CLMN: variants seen among roughly 807,000 people sequenced by gnomAD.
CLMN encodes the protein calmin (calponin-like, transmembrane).
A neutral mutation model predicts 92.7 loss-of-function variants in CLMN; 57 were observed. That is an observed-to-expected ratio of 0.61 (90% confidence interval 0.50 to 0.77). The LOEUF is 0.77. Among genes scored for constraint, CLMN ranks in the 30% least tolerant of loss-of-function variants. The pLI, the probability that CLMN is intolerant of heterozygous loss-of-function variation, is 0.00. For missense variants in CLMN, 1,158 were observed against 1,237.5 expected (o/e 0.94, Z 0.96); for synonymous variants, 466 against 470.6 (o/e 0.99, Z 0.13).
chr14:95,212,090 A>C (rs1448797203), intron 6 of CLMN, among the ~76,000 whole-genome samples: 1 of 152,140 alleles, frequency 6.6e-6, no homozygotes, highest in African/African-American at 2.4e-5. Flanking sequence ...ACCACGCTTG[A>C]TCTCTCAATC....
Position 95,191,611 on chromosome 14 carries a change from C to T in CLMN, c.2962G>A (p.Val988Met), listed in dbSNP as rs760410030. 2 of 1,613,570 alleles carry T rather than the reference C, an allele frequency of 1.2e-6. No individual in the cohort carries two copies. Residue 988 changes from valine (V) to methionine (M), a missense_variant, in exon 13 of 13, where the codon GTG becomes ATG. Transcript: ENST00000298912. The surrounding 1 kb of genome is among the most constrained non-coding windows in gnomAD (Gnocchi z 5.3). ...TGTGGGAAGAGCAGCAAGCAGTACA[C>T]CAGGAGCCACAGGAAGAGAATAAAA... The part of the protein sequence containing the change: ...MYFILFLWLL[V>M]YCLLLFPQLD...
At chr14:95,297,903 T>C (rs1900878625) in intron 1 of CLMN, among the ~76,000 whole-genome samples, 2 of 152,154 alleles carry the variant, frequency 1.3e-5, no homozygotes, top group South Asian at 4.1e-4. Flanking sequence ...TGTGTGGATA[T>C]GCTTCCATTT....
chr14:95,265,069 G>A (rs972840506), intron 1 of CLMN, among the ~76,000 whole-genome samples: 3 of 151,762 alleles, frequency 2.0e-5, no homozygotes, highest in African/African-American at 7.3e-5. Context: ...CCAAAACCCT[G>A]TCTCTACAAA....
At chr14:95,269,712 G>A (rs1566905811) in intron 1 of CLMN, among the ~76,000 whole-genome samples, 1 of 152,208 alleles carries the variant, frequency 6.6e-6, no homozygotes. Flanking sequence ...TGGCACCAAA[G>A]GCTCCCACTG....
At chr14:95,211,309 CA>C (rs1897190242) in intron 6 of CLMN, among the ~76,000 whole-genome samples, 1 of 152,222 alleles carries the variant, frequency 6.6e-6, no homozygotes, top group Non-Finnish European at 1.5e-5. Context: ...CTCTGAGCCT[CA>C]AACTCCACAC....
In CLMN at chr14:95,203,048, C is replaced by T; in HGVS notation, c.2301G>A (p.Leu767=). ...LEEPEGYMPD[L]DSREEEADGS... is the part of the protein sequence containing the mutation. ...CATCGGCCTCCTCCTCCCTGGAGTC[C>T]AGGTCTGGCATATAGCCCTCTGGCT... Residue 767 remains leucine, a synonymous_variant, in exon 9 of 13, where the codon CTG becomes CTA. Transcript: ENST00000298912. The T allele has an allele frequency of 6.2e-7, 1 of 1,614,122 alleles. No individual in the cohort carries two copies. The highest frequency in any genetic ancestry group is 8.5e-7 in the Non-Finnish European group (1 of 1,180,020).
chr14:95,230,003 A>G, intron 2 of CLMN, 69 bp downstream of exon 2: 1 of 1,438,374 alleles, frequency 7.0e-7, no homozygotes. Flanking sequence ...CTCCCCCTCC[A>G]CTCTCTGGAA....
intron 1 of CLMN, among the ~76,000 whole-genome samples, chr14:95,251,809 C>T (rs1261717273): frequency 6.6e-6 from 1 of 152,194 alleles, no homozygotes; most frequent in Non-Finnish European, 1.5e-5. Flanking sequence ...TGCTGGAGCT[C>T]CTCAGAGCCT....
At chr14:95,215,814 TC>T in intron 4 of CLMN, 81 bp from the exon 5 acceptor site, 1 of 510,284 alleles carries the variant, frequency 2.0e-6, no homozygotes, top group Admixed American at 3.8e-5. Flanking sequence ...TCTCTCTCTC[TC>T]TGTGTGTGTG....
chr14:95,229,799 C>T (rs751989895), intron 2 of CLMN, among the ~76,000 whole-genome samples: 1 of 152,130 alleles, frequency 6.6e-6, no homozygotes, highest in Non-Finnish European at 1.5e-5. Context: ...CAATAATGAA[C>T]GTCTTCCACC....
intron 1 of CLMN, among the ~76,000 whole-genome samples, chr14:95,284,006 C>T (rs1395690797): frequency 6.6e-6 from 1 of 152,290 alleles, no homozygotes; most frequent in East Asian, 1.9e-4. Flanking sequence ...ATCACAGCCC[C>T]AGAGGCCCAG....
intron 1 of CLMN, among the ~76,000 whole-genome samples, chr14:95,267,862 G>A (rs1899538976): frequency 6.6e-6 from 1 of 152,190 alleles, no homozygotes; most frequent in Non-Finnish European, 1.5e-5. Flanking sequence ...AATCCTGTCG[G>A]TTGCAGCAAT....
At chr14:95,197,273 G>T (rs1449299787) in intron 9 of CLMN, among the ~76,000 whole-genome samples, 1 of 150,912 alleles carries the variant, frequency 6.6e-6, no homozygotes, top group Admixed American at 6.6e-5. Context: ...AAGAAAAGAG[G>T]AGGAGGAAGA....
chr14:95,204,580 C>T (rs1445294044), intron 8 of CLMN, 117 bp from the exon 9 acceptor site: 1 of 967,906 alleles, frequency 1.0e-6, no homozygotes, highest in East Asian at 2.7e-5. Context: ...CCACCTTTCC[C>T]AAAACACAAA....
intron 1 of CLMN, among the ~76,000 whole-genome samples, chr14:95,266,735 G>C (rs1279346778): frequency 6.6e-6 from 1 of 152,036 alleles, no homozygotes; most frequent in Non-Finnish European, 1.5e-5. Context: ...AATAGCCAAC[G>C]CACTCTTAAG....
At chr14:95,263,527 G>A (rs1342266885) in intron 1 of CLMN, among the ~76,000 whole-genome samples, 1 of 152,202 alleles carries the variant, frequency 6.6e-6, no homozygotes, top group Non-Finnish European at 1.5e-5. Flanking sequence ...CTAGCAAAAG[G>A]GTTCCGGTGT....
chr14:95,249,232 T>C (rs1169503317), intron 1 of CLMN, among the ~76,000 whole-genome samples: 1 of 152,224 alleles, frequency 6.6e-6, no homozygotes, highest in Non-Finnish European at 1.5e-5. Flanking sequence ...TTTTCTCGCC[T>C]TTCCTGAATG....
intron 1 of CLMN, among the ~76,000 whole-genome samples, chr14:95,270,277 AT>A (rs535058214): frequency 0.023 from 3,424 of 151,580 alleles, 35 homozygotes; most frequent in African/African-American, 0.026. Context: ...TGCCTCACTC[AT>A]TTTTTTTTAA....
chr14:95,222,555 C>G (rs781234453), intron 3 of CLMN: 11 of 455,558 alleles, frequency 2.4e-5, no homozygotes, highest in South Asian at 1.7e-4. Context: ...ATCAAAGACT[C>G]CCCGTGGAGG....
Sources: allele counts gnomAD v4.1 joint callset (sites outside exome capture counted in the v4.1 genomes callset), GRCh38; gene constraint gnomAD v4.1.1; non-coding constraint Gnocchi (gnomAD v3.1); transcripts MANE v1.5; gene names NCBI Gene and HGNC (gene_info 2026-07-23, HGNC 2026-07-21).